CAPN5: variants seen among roughly 807,000 people sequenced by gnomAD.
CAPN5 encodes the protein calpain 5, also known as calpain-5.
A neutral mutation model predicts 73.0 loss-of-function variants in CAPN5; 54 were observed. The observed-to-expected ratio is 0.74, with a 90% CI of 0.59 to 0.93. The LOEUF is 0.93. Ranked by LOEUF, CAPN5 falls within the 40% of genes least tolerant of loss-of-function variation. CAPN5 has a pLI of 0.00. For missense variants in CAPN5, 785 were observed against 882.9 expected (o/e 0.89, Z 1.41); for synonymous variants, 335 against 356.9 (o/e 0.94, Z 0.69).
In CAPN5 at chr11:77,103,021, A is replaced by G. The variant is rs1950304099; in HGVS notation, c.297+9208A>G. On this transcript the variant is annotated intron_variant, in intron 3 of 12. Coordinates refer to ENST00000648180, the MANE Select transcript of CAPN5 (RefSeq NM_004055.5). ...TACCGCCTCAACTTCACCCAGCAGC[A>G]GCGGCTACAGTTCGAGCGCTGGAAT... 3.7e-6 allele frequency: 6 copies of G among 1,613,448 alleles called. No homozygotes were observed. In the African/African-American group the frequency reaches 6.7e-5, roughly 18 times the overall value.
At position 77,073,249 on chromosome 11, in the gene CAPN5, C is replaced by T. The variant is rs140556701; in HGVS notation, c.-36+6155C>T. On this transcript the variant is annotated intron_variant, in intron 1 of 12. Coordinates refer to ENST00000648180, the MANE Select transcript of CAPN5 (RefSeq NM_004055.5). The stretch of plus-strand genomic sequence containing the variant: ...ACCCGAGGCTTGGCCTGGGGCTGCC[C>T]CCTGCCCAACAGTCTCCACCTCCAC... 4.4e-3 allele frequency: 2,217 copies of T among 506,834 alleles called. 9 individuals are homozygous for T. The highest frequency in any genetic ancestry group is 6.0e-3 in the Non-Finnish European group (1,724 of 289,742). 31.4% of individuals were successfully genotyped at this position (506,834 alleles called of 1,614,324 possible).
chr11:77,069,782 G>T (rs372883501), intron 1 of CAPN5, among the ~76,000 whole-genome samples: 3 of 152,302 alleles, frequency 2.0e-5, no homozygotes, highest in African/African-American at 7.2e-5. Context: ...CCTCTCAAGT[G>T]CCCTCAGAGA....
In CAPN5 at chr11:77,084,936, G is replaced by C; in HGVS notation, c.50G>C (p.Arg17Thr). Residue 17 changes from arginine (R) to threonine (T), a missense_variant, in exon 2 of 13, where the codon AGG becomes ACG. Arg to Thr is a moderately conservative substitution (Grantham distance 71, BLOSUM62 -1). Coordinates refer to ENST00000648180, the MANE Select transcript of CAPN5 (RefSeq NM_004055.5). ...PYEDQNYSAL[R>T]RDCRRRKVLF... ...GAGGACCAGAACTACTCAGCCCTGAGGCGGGACTGCCGGCGCAGGAAGGTG... is the reference window on the plus strand; with the variant it reads ...GAGGACCAGAACTACTCAGCCCTGACGCGGGACTGCCGGCGCAGGAAGGTG... The C allele has an allele frequency of 1.9e-6, 3 of 1,614,036 alleles. No homozygotes were observed. The highest frequency in any genetic ancestry group is 2.5e-6 in the Non-Finnish European group (3 of 1,180,032).
At chr11:77,078,232 A>T (rs1400659540) in intron 1 of CAPN5, among the ~76,000 whole-genome samples, 1 of 152,206 alleles carries the variant, frequency 6.6e-6, no homozygotes, top group African/African-American at 2.4e-5. Flanking sequence ...GTTTGAGTCA[A>T]TGTTTGCATA....
intron 3 of CAPN5, among the ~76,000 whole-genome samples, chr11:77,101,903 TTCAGGTGGAG>T (rs1390390111): frequency 6.6e-6 from 1 of 152,222 alleles, no homozygotes; most frequent in African/African-American, 2.4e-5. Context: ...TGAGGATTAA[TTCAGGTGGAG>T]TAAGTGGTGG....
chr11:77,079,022 CTTTA>C (rs1487953355), intron 1 of CAPN5, among the ~76,000 whole-genome samples: 1 of 151,646 alleles, frequency 6.6e-6, no homozygotes, highest in Non-Finnish European at 1.5e-5. Context: ...GTTTTTTGCC[CTTTA>C]TTCTGTTAGT....
chr11:77,104,673 G>A (rs1950325265), intron 3 of CAPN5, among the ~76,000 whole-genome samples: 1 of 151,904 alleles, frequency 6.6e-6, no homozygotes, highest in Non-Finnish European at 1.5e-5. Context: ...GCCAAGTACA[G>A]CTAAGCCACT....
intron 3 of CAPN5, among the ~76,000 whole-genome samples, chr11:77,096,151 G>C (rs782219964): frequency 1.3e-5 from 2 of 152,084 alleles, no homozygotes; most frequent in African/African-American, 2.4e-5. Context: ...GCAGTGGGGG[G>C]GCTGCCGAGC....
chr11:77,095,124 G>A (rs1950194114), intron 3 of CAPN5, among the ~76,000 whole-genome samples: 2 of 152,330 alleles, frequency 1.3e-5, no homozygotes, highest in South Asian at 4.1e-4. Flanking sequence ...CATGGTTGCG[G>A]CGTGTGGATG....
At chr11:77,094,305 C>G (rs1950186059) in intron 3 of CAPN5, among the ~76,000 whole-genome samples, 1 of 152,188 alleles carries the variant, frequency 6.6e-6, no homozygotes, top group East Asian at 1.9e-4. Context: ...GTGTTCTGGA[C>G]CAGGGCCAAA....
At chr11:77,112,544 C>A in intron 3 of CAPN5, 45 bp from the exon 4 acceptor site, 1 of 1,461,932 alleles carries the variant, frequency 6.8e-7, no homozygotes, top group Non-Finnish European at 9.6e-7. Flanking sequence ...AGCCGGACAT[C>A]CCCTCACTGT....
intron 3 of CAPN5, among the ~76,000 whole-genome samples, chr11:77,111,621 C>T (rs529168630): frequency 3.9e-5 from 6 of 152,334 alleles, no homozygotes; most frequent in African/African-American, 9.6e-5. Flanking sequence ...TGCATGTTTA[C>T]TAAACATACT....
At chr11:77,108,583 C>T (rs1950377310) in intron 3 of CAPN5, among the ~76,000 whole-genome samples, 1 of 152,134 alleles carries the variant, frequency 6.6e-6, no homozygotes, top group South Asian at 2.1e-4. Context: ...GTAGCGAGCA[C>T]AGCCTGATGG....
At chr11:77,118,075 C>A in intron 7 of CAPN5, 82 bp from the exon 8 acceptor site, 1 of 1,269,242 alleles carries the variant, frequency 7.9e-7, no homozygotes, top group Non-Finnish European at 1.1e-6. Flanking sequence ...GCCATATGGA[C>A]ATATTAGGTT....
At chr11:77,075,446 A>T (rs899669700) in intron 1 of CAPN5, among the ~76,000 whole-genome samples, 2 of 152,282 alleles carry the variant, frequency 1.3e-5, no homozygotes, top group East Asian at 3.9e-4. Flanking sequence ...GGAGGCTGGG[A>T]CCAGAGAATT....
chr11:77,116,370 C>A, intron 7 of CAPN5, 67 bp downstream of exon 7: 1 of 1,307,570 alleles, frequency 7.6e-7, no homozygotes. Context: ...CGGGGAGCAC[C>A]AGGTGGGGAG....
chr11:77,067,723 C>T (rs1555032363), intron 1 of CAPN5, among the ~76,000 whole-genome samples: 1 of 147,314 alleles, frequency 6.8e-6, no homozygotes, highest in African/African-American at 2.5e-5. Flanking sequence ...GTTTCTCAGA[C>T]CTCAGAGTTC....
In CAPN5 at chr11:77,122,442, G is replaced by A. The variant is rs1412441681; in HGVS notation, c.1604-134G>A. On this transcript the variant is annotated intron_variant, in intron 11 of 12. Transcript: ENST00000648180. ...CCGGCCTGTCTCTGGAAACGAAGGGGCCCTGAGGTGGGTCAGGCTCCAGTC... is the reference window on the plus strand; with the variant it reads ...CCGGCCTGTCTCTGGAAACGAAGGGACCCTGAGGTGGGTCAGGCTCCAGTC... The A allele has an allele frequency of 5.4e-6, 4 of 745,430 alleles. No individual in the cohort carries two copies. In the African/African-American group the frequency reaches 7.0e-5, roughly 13 times the overall value. The allele number at this position is 745,430 out of a possible 1,614,324, so 46.2% of individuals were successfully genotyped here. A position where few individuals can be genotyped will look rare whatever the true frequency, so the allele number is the denominator to read the frequency against.
chr11:77,123,700 C>T lies in CAPN5; in HGVS notation c.1753C>T (p.Arg585Ter), dbSNP rs782792048. The T allele has an allele frequency of 6.2e-6, 10 of 1,613,480 alleles. No homozygotes were observed. The highest frequency in any genetic ancestry group is 3.3e-5 in the South Asian group (3 of 91,002). ...QPITVQVWNH[R>*]VLKDEFLGQV... ...TGTCTCTTCCCAGGTCTGGAACCACCGAGTGCTGAAGGATGAATTTCTGGG... is the reference window on the plus strand; with the variant it reads ...TGTCTCTTCCCAGGTCTGGAACCACTGAGTGCTGAAGGATGAATTTCTGGG... Residue 585 changes from arginine (R) to a stop codon, truncating the protein, a stop_gained, in exon 13 of 13, where the codon CGA (arginine) becomes TGA (stop). Coordinates refer to ENST00000648180, the MANE Select transcript of CAPN5 (RefSeq NM_004055.5). LOFTEE classifies it high-confidence loss of function.
Sources: gnomAD v4.1 joint callset for allele counts (sites outside exome capture counted in the v4.1 genomes callset) on GRCh38, gnomAD v4.1.1 for gene constraint, MANE v1.5 for transcripts, NCBI Gene and HGNC (gene_info 2026-07-23, HGNC 2026-07-21) for gene names.